Variants in KCNMA1 observed in about 807,000 individuals in gnomAD.
KCNMA1 encodes potassium calcium-activated channel subfamily M alpha 1, also known as Calcium-activated potassium channel subunit alpha-1.
In KCNMA1, 29 loss-of-function variants were observed where a neutral mutation model predicts 140.0. The observed-to-expected ratio is 0.21, with a 90% CI of 0.15 to 0.28. The LOEUF is 0.28. Ranked by LOEUF, KCNMA1 falls within the 10% of genes least tolerant of loss-of-function variation. The pLI is 1.00. For missense variants in KCNMA1, 880 were observed against 1,602.2 expected (o/e 0.55, Z 7.70); for synonymous variants, 612 against 611.9 (o/e 1.00, Z 0.00).
At chr10:76,971,689 G>A (rs555082169) in intron 19 of KCNMA1, among the ~76,000 whole-genome samples, 10 of 152,172 alleles carry the variant, frequency 6.6e-5, no homozygotes, top group Non-Finnish European at 1.3e-4. Context: ...GACTGTATCA[G>A]TCATTTAGAG....
Position 76,999,729 on chromosome 10 carries a change from G to A in KCNMA1, c.2266+1678C>T, listed in dbSNP as rs144880250. The stretch of plus-strand genomic sequence containing the variant: ...CTTTCCAAGATTTTAGGCCCATATG[G>A]CAGTCCACACTCCCTCTCAATGCAA... On this transcript the variant is annotated intron_variant, in intron 19 of 27. Coordinates refer to ENST00000286628, the MANE Select transcript of KCNMA1 (RefSeq NM_001161352.2). Among the ~76,000 whole-genome samples, 4 of 152,228 alleles carry A rather than the reference G, an allele frequency of 2.6e-5. No homozygotes were observed. The East Asian group carries it at 5.8e-4, about 22-fold the overall frequency.
chr10:77,456,061 C>G (rs1253567649), intron 1 of KCNMA1, among the ~76,000 whole-genome samples: 1 of 152,226 alleles, frequency 6.6e-6, no homozygotes, highest in Non-Finnish European at 1.5e-5. Context: ...ACCTGCCAGG[C>G]ACTGTGCTGA....
intron 3 of KCNMA1, among the ~76,000 whole-genome samples, chr10:77,242,814 T>A (rs1008536883): frequency 2.0e-5 from 3 of 151,930 alleles, no homozygotes. Context: ...CTCAGCCTCA[T>A]CTCTGCTACT....
At chr10:77,060,974 C>T (rs1325370309) in intron 14 of KCNMA1, among the ~76,000 whole-genome samples, 3 of 152,122 alleles carry the variant, frequency 2.0e-5, no homozygotes, top group Admixed American at 6.5e-5. Flanking sequence ...TCTAACTCCA[C>T]TGAAACTCAG....
chr10:77,362,978 T>C (rs905836824), intron 2 of KCNMA1, among the ~76,000 whole-genome samples: 3 of 152,222 alleles, frequency 2.0e-5, no homozygotes, highest in Admixed American at 6.5e-5. Context: ...CACAGCTGGC[T>C]TAGCTTGCGC....
At chr10:77,163,967 T>C (rs920822750) in intron 5 of KCNMA1, among the ~76,000 whole-genome samples, 4 of 152,166 alleles carry the variant, frequency 2.6e-5, no homozygotes, top group African/African-American at 7.2e-5. Flanking sequence ...AAAGAATTAA[T>C]TCATTAGGAG....
intron 3 of KCNMA1, among the ~76,000 whole-genome samples, chr10:77,201,936 C>T (rs2042622209): frequency 6.6e-6 from 1 of 152,178 alleles, no homozygotes; most frequent in South Asian, 2.1e-4. Flanking sequence ...GCCTATGTAG[C>T]ATATAGCACT....
chr10:77,080,740 A>AG (rs1172333423), intron 12 of KCNMA1, among the ~76,000 whole-genome samples: 1 of 152,092 alleles, frequency 6.6e-6, no homozygotes, highest in Non-Finnish European at 1.5e-5. Flanking sequence ...GGGCCTCCAG[A>AG]GGTTTGCAAT....
chr10:77,546,004 C>A (rs2154555988), intron 1 of KCNMA1, among the ~76,000 whole-genome samples: 1 of 152,312 alleles, frequency 6.6e-6, no homozygotes, highest in African/African-American at 2.4e-5. Flanking sequence ...TATGGCCATT[C>A]CCCAGTTACC....
chr10:77,300,232 A>C (rs1274135707), intron 2 of KCNMA1, among the ~76,000 whole-genome samples: 1 of 152,222 alleles, frequency 6.6e-6, no homozygotes, highest in Non-Finnish European at 1.5e-5. Context: ...GGAAGGTAAG[A>C]GACCTGAGAA....
chr10:77,184,900 G>C lies in KCNMA1; in HGVS notation c.619C>G (p.Gln207Glu), dbSNP rs1565069975. 1 of 1,609,070 alleles carries C rather than the reference G, an allele frequency of 6.2e-7. No individual in the cohort carries two copies. Among genetic ancestry groups the C allele is most frequent in the Non-Finnish European group, 8.5e-7 (1 of 1,175,548 alleles). ...AATGTGAAATCTTTGTAGAAATTCT[G>C]GCAGGATTCTATTGGGCTATTAGAC... The part of the protein sequence containing the change: ...IDSSNPIESC[Q>E]NFYKDFTLQI... The change falls in exon 4 of 28, where the codon CAG (glutamine) becomes GAG (glutamate). Residue 207 changes from glutamine (Q) to glutamate (E), a missense_variant. Gln to Glu is a conservative substitution (Grantham distance 29, BLOSUM62 2). Transcript: ENST00000286628.
intron 2 of KCNMA1, among the ~76,000 whole-genome samples, chr10:77,372,538 C>T (rs977798422): frequency 3.9e-5 from 6 of 152,258 alleles, no homozygotes; most frequent in Admixed American, 1.3e-4. Context: ...TCTCTCTAGG[C>T]GCCGCAGTCC....
intron 1 of KCNMA1, among the ~76,000 whole-genome samples, chr10:77,488,477 G>T (rs2098487630): frequency 6.6e-6 from 1 of 152,228 alleles, no homozygotes; most frequent in Non-Finnish European, 1.5e-5. Context: ...GGTGAAAGGG[G>T]TGTGGGATAA....
At chr10:76,923,428 C>CAA (rs926235292) in intron 23 of KCNMA1, among the ~76,000 whole-genome samples, 2 of 89,174 alleles carry the variant, frequency 2.2e-5, no homozygotes, top group East Asian at 9.0e-4. Context: ...GACTCCGTCT[C>CAA]AAAAAAAAAA....
intron 1 of KCNMA1, among the ~76,000 whole-genome samples, chr10:77,470,387 G>A (rs150702511): frequency 6.6e-6 from 1 of 152,238 alleles, no homozygotes; most frequent in East Asian, 1.9e-4. Context: ...AAGACTCCGG[G>A]TGGCCTCAGA....
intron 1 of KCNMA1, among the ~76,000 whole-genome samples, chr10:77,480,759 C>T (rs1460520082): frequency 6.6e-6 from 1 of 152,042 alleles, no homozygotes; most frequent in African/African-American, 2.4e-5. Flanking sequence ...CAACCCTACC[C>T]ACAGTAATCT....
At chr10:77,223,989 C>T (rs2050517166) in intron 3 of KCNMA1, among the ~76,000 whole-genome samples, 1 of 152,194 alleles carries the variant, frequency 6.6e-6, no homozygotes. Context: ...ATTGCTTGCT[C>T]TGCCACGCCT....
At chr10:77,039,707 C>T (rs776681858) in intron 14 of KCNMA1, 70 bp from the exon 15 acceptor site, 14 of 913,926 alleles carry the variant, frequency 1.5e-5, no homozygotes, top group Non-Finnish European at 2.4e-5. Context: ...ACCTGAGTTA[C>T]ACTCTTAGGC....
chr10:77,507,257 T>C (rs1259239662), intron 1 of KCNMA1, among the ~76,000 whole-genome samples: 1 of 151,170 alleles, frequency 6.6e-6, no homozygotes, highest in Non-Finnish European at 1.5e-5. Flanking sequence ...GGCTCCCTGT[T>C]AAACAGAATA....
Sources: allele counts gnomAD v4.1 joint callset (sites outside exome capture counted in the v4.1 genomes callset), GRCh38; gene constraint gnomAD v4.1.1; transcripts MANE v1.5; gene names NCBI Gene and HGNC (gene_info 2026-07-23, HGNC 2026-07-21).